The following SH3RF3 variants were observed in gnomAD, a reference collection of about 807,000 sequenced individuals.
SH3RF3 encodes the protein SH3 domain containing ring finger 3.
In SH3RF3, 29 loss-of-function variants were observed where a neutral mutation model predicts 66.3. The ratio of observed to expected loss-of-function variants is 0.44; its 90% CI spans 0.33 to 0.60. The LOEUF is 0.60. Ranked by LOEUF, SH3RF3 falls within the 20% of genes least tolerant of loss-of-function variation. The pLI is 0.04. For missense variants in SH3RF3, 1,194 were observed against 1,190.9 expected, an observed-to-expected ratio of 1.00 and a Z score of -0.04; for synonymous variants, 583 against 532.0, an observed-to-expected ratio of 1.10 and a Z score of -1.32.
chr2:109,262,926 G>A (rs1055639618), intron 1 of SH3RF3, among the ~76,000 whole-genome samples: 10 of 151,938 alleles, frequency 6.6e-5, no homozygotes, highest in African/African-American at 9.7e-5. Context: ...TTTGCCTCCC[G>A]GGTTCCAGCA....
chr2:109,133,933 G>C (rs1676757752), intron 1 of SH3RF3, among the ~76,000 whole-genome samples: 1 of 152,170 alleles, frequency 6.6e-6, no homozygotes. Flanking sequence ...GACTTTGGCT[G>C]TGTTACAGAG....
chr2:109,499,571 C>G (rs1450995903), intron 9 of SH3RF3, among the ~76,000 whole-genome samples: 5 of 152,166 alleles, frequency 3.3e-5, no homozygotes, highest in Non-Finnish European at 7.4e-5. Flanking sequence ...GGAGGCCCAG[C>G]TAGTGGGAGT....
intron 9 of SH3RF3, among the ~76,000 whole-genome samples, chr2:109,499,636 C>T (rs1301894142): frequency 2.0e-5 from 3 of 152,168 alleles, no homozygotes; most frequent in African/African-American, 7.2e-5. Context: ...GGCACAAGGC[C>T]CAACTGGTTC....
At position 109,300,523 on chromosome 2, in the gene SH3RF3, A is replaced by AG. The variant is rs143703294; in HGVS notation, c.574-47150dup. On this transcript the variant is annotated intron_variant, in intron 1 of 9. Coordinates refer to ENST00000309415, the MANE Select transcript of SH3RF3 (RefSeq NM_001099289.3). ...CCAGGTAAGCCCTTGAGTGAGGAAA[A>AG]GACATGAATCCATGCTCCAGAGATG... is the stretch of plus-strand genomic sequence containing the variant. Among the ~76,000 whole-genome samples, 444 of 152,256 alleles carry AG rather than the reference A, an allele frequency of 2.9e-3. 2 individuals carry two copies. The highest frequency in any genetic ancestry group is 0.01 in the African/African-American group (425 of 41,542).
At chr2:109,369,616 C>T (rs1683222874) in intron 2 of SH3RF3, among the ~76,000 whole-genome samples, 1 of 152,168 alleles carries the variant, frequency 6.6e-6, no homozygotes, top group Admixed American at 6.5e-5. Context: ...GTGATTGCCT[C>T]TGGTGGCCCC....
At chr2:109,244,986 T>C (rs545940464) in intron 1 of SH3RF3, among the ~76,000 whole-genome samples, 1 of 152,216 alleles carries the variant, frequency 6.6e-6, no homozygotes, top group Non-Finnish European at 1.5e-5. Context: ...TGGAGAACTG[T>C]GAGTACAGTT....
At chr2:109,311,629 T>C (rs753244391) in intron 1 of SH3RF3, among the ~76,000 whole-genome samples, 6 of 152,228 alleles carry the variant, frequency 3.9e-5, no homozygotes, top group Non-Finnish European at 7.3e-5. Flanking sequence ...TGGCCCTTGA[T>C]GGCAAGACTG....
rs147045369 is a variant in SH3RF3, at chr2:109,467,681, A to T, written c.2148+18192A>T. Among the ~76,000 whole-genome samples the T allele has an allele frequency of 4.7e-4, 72 of 152,396 alleles. 2 individuals are homozygous for T. In the East Asian group the frequency reaches 9.4e-3, roughly 20 times the overall value. On this transcript the variant is annotated intron_variant, in intron 8 of 9. Transcript: ENST00000309415. ...TTGTGAGTATATAGATTTTAGAGCCAGAAGAGAGGACGAGCATGATTTCCA... is the reference window on the plus strand; with the variant it reads ...TTGTGAGTATATAGATTTTAGAGCCTGAAGAGAGGACGAGCATGATTTCCA...
chr2:109,170,335 T>TC (rs1391863730), intron 1 of SH3RF3, among the ~76,000 whole-genome samples: 2 of 150,456 alleles, frequency 1.3e-5, no homozygotes, highest in Admixed American at 6.7e-5. Context: ...CTCTCCTCTC[T>TC]CTCTCTCTTT....
intron 5 of SH3RF3, among the ~76,000 whole-genome samples, chr2:109,432,008 A>G (rs1448892129): frequency 1.3e-5 from 2 of 152,222 alleles, no homozygotes; most frequent in Admixed American, 1.3e-4. Context: ...TGGATAAGCC[A>G]GGCAGGAAAA....
chr2:109,146,338 A>G (rs967145647), intron 1 of SH3RF3, among the ~76,000 whole-genome samples: 2 of 152,138 alleles, frequency 1.3e-5, no homozygotes, highest in Admixed American at 1.3e-4. Flanking sequence ...CAGCTTCCCA[A>G]AGGTGGCCAG....
intron 1 of SH3RF3, among the ~76,000 whole-genome samples, chr2:109,210,205 G>C (rs1038869019): frequency 6.6e-6 from 1 of 152,172 alleles, no homozygotes; most frequent in African/African-American, 2.4e-5. Flanking sequence ...TCATTCATCT[G>C]TTCACAGACA....
At chr2:109,154,933 C>T (rs1487192884) in intron 1 of SH3RF3, among the ~76,000 whole-genome samples, 1 of 152,186 alleles carries the variant, frequency 6.6e-6, no homozygotes, top group Admixed American at 6.5e-5. Context: ...CTTTCCAAAT[C>T]ACGACTTGTC....
chr2:109,429,465 A>G (rs1677129649), intron 5 of SH3RF3, among the ~76,000 whole-genome samples: 1 of 152,196 alleles, frequency 6.6e-6, no homozygotes, highest in Admixed American at 6.5e-5. Flanking sequence ...AAAATTTAAG[A>G]TGAAGAGGCC....
chr2:109,167,584 T>C (rs1677658980), intron 1 of SH3RF3, among the ~76,000 whole-genome samples: 1 of 152,188 alleles, frequency 6.6e-6, no homozygotes, highest in Admixed American at 6.5e-5. Flanking sequence ...ATTTAGTTGT[T>C]TATTTTTGAG....
At chr2:109,468,347 T>C (rs2104713039) in intron 8 of SH3RF3, among the ~76,000 whole-genome samples, 1 of 152,318 alleles carries the variant, frequency 6.6e-6, no homozygotes, top group South Asian at 2.1e-4. Flanking sequence ...CGTTGCACTG[T>C]GATGTTATGA....
In SH3RF3 at chr2:109,426,054, C is replaced by A. The variant is rs11694187; in HGVS notation, c.1403+6412C>A. Among the ~76,000 whole-genome samples, 68 of 152,270 alleles carry A rather than the reference C, an allele frequency of 4.5e-4. 1 individual carries two copies. Among genetic ancestry groups the A allele is most frequent in the African/African-American group, 1.4e-3 (59 of 41,546 alleles). ...CTGGGATTACAGGCGCATGCCACCA[C>A]GCCCAGCTAATTTTTGTATATTGTA... On this transcript the variant is annotated intron_variant, in intron 5 of 9. Transcript: ENST00000309415.
intron 7 of SH3RF3, among the ~76,000 whole-genome samples, chr2:109,445,576 ATTAT>A (rs1457557114): frequency 6.6e-6 from 1 of 152,224 alleles, no homozygotes; most frequent in Non-Finnish European, 1.5e-5. Context: ...TAGAAGGAAG[ATTAT>A]TTATTAAATG....
chr2:109,178,776 A>G (rs1677992906), intron 1 of SH3RF3, among the ~76,000 whole-genome samples: 1 of 152,160 alleles, frequency 6.6e-6, no homozygotes. Context: ...TAGATTTCGT[A>G]GGTGTCTCTG....
Sources: allele counts gnomAD v4.1 joint callset (sites outside exome capture counted in the v4.1 genomes callset), GRCh38; gene constraint gnomAD v4.1.1; transcripts MANE v1.5; gene names NCBI Gene and HGNC (gene_info 2026-07-23, HGNC 2026-07-21).